AK4: variants seen among roughly 807,000 people sequenced by gnomAD.
AK4 encodes adenylate kinase 4, mitochondrial.
AK4 carries 13 observed loss-of-function variants against 24.6 expected under a neutral mutation model. The ratio of observed to expected loss-of-function variants is 0.53; its 90% CI spans 0.34 to 0.84. AK4 has a LOEUF of 0.84. Ranked by LOEUF, AK4 falls within the 40% of genes least tolerant of loss-of-function variation. The pLI, the probability that AK4 is intolerant of heterozygous loss-of-function variation, is 0.01. For missense variants in AK4, 192 were observed against 288.2 expected (o/e 0.67, Z 2.42); for synonymous variants, 88 against 107.0 (o/e 0.82, Z 1.10).
chr1:65,200,272 C>A (rs1307746827), intron 2 of AK4, among the ~76,000 whole-genome samples: 1 of 152,108 alleles, frequency 6.6e-6, no homozygotes. Flanking sequence ...TGCCACTATG[C>A]CTGGCTAATT....
intron 2 of AK4, among the ~76,000 whole-genome samples, chr1:65,195,991 C>T (rs889697440): frequency 1.3e-5 from 2 of 152,134 alleles, no homozygotes; most frequent in Non-Finnish European, 1.5e-5. Flanking sequence ...TGAAGTACGT[C>T]ATCCTCCCAA....
chr1:65,213,411 C>A (rs946525749), intron 2 of AK4, among the ~76,000 whole-genome samples: 2 of 152,220 alleles, frequency 1.3e-5, no homozygotes, highest in Middle Eastern at 3.4e-3. Flanking sequence ...TGGGGTTGAG[C>A]TCCCTGTGAC....
chr1:65,216,589 A>G (rs553445990), intron 2 of AK4, among the ~76,000 whole-genome samples: 1 of 124,132 alleles, frequency 8.1e-6, no homozygotes, highest in South Asian at 2.1e-4. Context: ...GAAAGAGTTT[A>G]TAGATGATCT....
intron 2 of AK4, among the ~76,000 whole-genome samples, chr1:65,192,260 T>TGA (rs1651330190): frequency 6.6e-6 from 1 of 152,190 alleles, no homozygotes; most frequent in African/African-American, 2.4e-5. Context: ...CATCATCCCA[T>TGA]GGCAGAAGGC....
Position 65,148,610 on chromosome 1 carries a change from C to G in AK4, c.145+58C>G, listed in dbSNP as rs376060516. The G allele has an allele frequency of 3.7e-5, 56 of 1,505,590 alleles. No homozygotes were observed. In the African/African-American group the frequency reaches 5.4e-4, roughly 15 times the overall value. 93.3% of individuals were successfully genotyped at this position (1,505,590 alleles called of 1,614,324 possible). A position where few individuals can be genotyped will look rare whatever the true frequency, so the allele number is the denominator to read the frequency against. On this transcript the variant is annotated intron_variant, in intron 1 of 4. Coordinates refer to ENST00000327299, the MANE Select transcript of AK4 (RefSeq NM_013410.4). The stretch of plus-strand genomic sequence containing the variant: ...AGCCGCGTTGGGCTGGGGTGAGGCC[C>G]TGGAGGGACTGGGGCTCCCGGATCA...
At chr1:65,159,822 G>T (rs980261239) in intron 1 of AK4, among the ~76,000 whole-genome samples, 4 of 151,936 alleles carry the variant, frequency 2.6e-5, no homozygotes, top group African/African-American at 4.8e-5. Flanking sequence ...ACAAAAATTA[G>T]CTGGGCATGG....
intron 1 of AK4, among the ~76,000 whole-genome samples, chr1:65,149,949 T>A (rs530675657): frequency 6.6e-6 from 1 of 152,262 alleles, no homozygotes; most frequent in Non-Finnish European, 1.5e-5. Context: ...CTCATCCTAA[T>A]GGTTTTGTGT....
intron 2 of AK4, among the ~76,000 whole-genome samples, chr1:65,205,635 GTTAT>G (rs1436507805): frequency 1.3e-5 from 2 of 152,074 alleles, no homozygotes; most frequent in Non-Finnish European, 2.9e-5. Context: ...TGATGTTGTT[GTTAT>G]TTATTTATGT....
intron 1 of AK4, among the ~76,000 whole-genome samples, chr1:65,171,724 A>G (rs923635413): frequency 6.6e-6 from 1 of 152,028 alleles, no homozygotes; most frequent in African/African-American, 2.4e-5. Flanking sequence ...TTAGGTTTAA[A>G]TTTATCTGAA....
intron 1 of AK4, among the ~76,000 whole-genome samples, chr1:65,161,008 C>T (rs1369926655): frequency 1.3e-5 from 2 of 152,068 alleles, no homozygotes; most frequent in Non-Finnish European, 2.9e-5. Flanking sequence ...CCATGGATAG[C>T]AGGGAACAAG....
intron 1 of AK4, among the ~76,000 whole-genome samples, chr1:65,174,521 A>G (rs1258432286): frequency 6.6e-6 from 1 of 152,118 alleles, no homozygotes; most frequent in African/African-American, 2.4e-5. Flanking sequence ...TACTCACTTA[A>G]TTTAAAAAAT....
intron 3 of AK4, among the ~76,000 whole-genome samples, chr1:65,222,814 G>A (rs1241311963): frequency 6.6e-6 from 1 of 152,154 alleles, no homozygotes; most frequent in Admixed American, 6.5e-5. Context: ...TTATCCAGTT[G>A]AGTTGCCTGT....
At chr1:65,202,866 C>CTTTTTTTTTTTT (rs34143736) in intron 2 of AK4, among the ~76,000 whole-genome samples, 2 of 91,814 alleles carry the variant, frequency 2.2e-5, no homozygotes, top group African/African-American at 8.4e-5. Context: ...GCTGTGTAGT[C>CTTTTTTTTTTTT]TTTTTTTTTT....
intron 1 of AK4, among the ~76,000 whole-genome samples, chr1:65,169,299 G>A (rs908409841): frequency 2.6e-5 from 4 of 152,088 alleles, no homozygotes; most frequent in Non-Finnish European, 5.9e-5. Flanking sequence ...TTTATTTAGA[G>A]TTTATTTGGA....
At chr1:65,155,150 G>A (rs982456550) in intron 1 of AK4, among the ~76,000 whole-genome samples, 3 of 151,874 alleles carry the variant, frequency 2.0e-5, no homozygotes, top group African/African-American at 4.8e-5. Flanking sequence ...ACACCCGGCC[G>A]ACATAGGGAG....
intron 2 of AK4, among the ~76,000 whole-genome samples, chr1:65,206,568 C>T (rs953434524): frequency 6.6e-6 from 1 of 152,214 alleles, no homozygotes; most frequent in Non-Finnish European, 1.5e-5. Flanking sequence ...ACCCCATCTG[C>T]GTGTGCGTGT....
chr1:65,151,968 CT>C (rs1649785333), intron 1 of AK4, among the ~76,000 whole-genome samples: 1 of 152,042 alleles, frequency 6.6e-6, no homozygotes, highest in Non-Finnish European at 1.5e-5. Flanking sequence ...GGAGTTGGGT[CT>C]TACCCTCTGT....
At chr1:65,192,572 A>C (rs559152485) in intron 2 of AK4, among the ~76,000 whole-genome samples, 1 of 152,154 alleles carries the variant, frequency 6.6e-6, no homozygotes, top group Non-Finnish European at 1.5e-5. Flanking sequence ...TATTCATTCT[A>C]TCCTATTAGC....
intron 2 of AK4, among the ~76,000 whole-genome samples, chr1:65,201,624 G>T (rs1468117930): frequency 6.6e-6 from 1 of 152,190 alleles, no homozygotes; most frequent in Non-Finnish European, 1.5e-5. Context: ...TCATAGTCCA[G>T]GAGTGCCGCA....
Sources: allele counts gnomAD v4.1 joint callset (sites outside exome capture counted in the v4.1 genomes callset), GRCh38; gene constraint gnomAD v4.1.1; transcripts MANE v1.5; gene names NCBI Gene and HGNC (gene_info 2026-07-23, HGNC 2026-07-21).